Variants in STXBP6 observed in about 807,000 individuals in gnomAD.
The protein encoded by STXBP6 is syntaxin binding protein 6.
STXBP6 carries 21 observed loss-of-function variants against 26.9 expected under a neutral mutation model. The ratio of observed to expected loss-of-function variants is 0.78; its 90% confidence interval spans 0.55 to 1.12. The LOEUF (loss-of-function observed/expected upper bound fraction) is 1.12. STXBP6 is among the 50% of genes most tolerant of loss of function. The pLI is 0.00. For synonymous variants in STXBP6, 97 were observed against 92.6 expected (o/e 1.05, Z -0.27); for missense variants, 232 against 257.9 (o/e 0.90, Z 0.69).
chr14:24,996,829 T>C (rs1595280343), intron 1 of STXBP6, among the ~76,000 whole-genome samples: 1 of 117,700 alleles, frequency 8.5e-6, no homozygotes, highest in Non-Finnish European at 1.6e-5. Flanking sequence ...TACTTCAGCC[T>C]GGGCAACAAG....
intron 1 of STXBP6, among the ~76,000 whole-genome samples, chr14:24,982,143 C>A (rs768735966): frequency 6.6e-6 from 1 of 152,144 alleles, no homozygotes; most frequent in African/African-American, 2.4e-5. Context: ...TTGAAAATTG[C>A]GGTTTTAAGG....
intron 1 of STXBP6, among the ~76,000 whole-genome samples, chr14:25,022,733 T>C (rs1389672499): frequency 1.3e-5 from 2 of 152,216 alleles, no homozygotes; most frequent in South Asian, 4.1e-4. Flanking sequence ...TCTCTACTTG[T>C]TTCCTAGGTG....
At chr14:24,955,414 G>A (rs1299031092) in intron 2 of STXBP6, among the ~76,000 whole-genome samples, 2 of 152,168 alleles carry the variant, frequency 1.3e-5, no homozygotes, top group African/African-American at 4.8e-5. Context: ...TTCCTACACT[G>A]GTGGAAGGGC....
intron 4 of STXBP6, among the ~76,000 whole-genome samples, chr14:24,855,179 G>A (rs545294244): frequency 4.6e-5 from 7 of 152,124 alleles, no homozygotes; most frequent in South Asian, 2.1e-4. Flanking sequence ...TGTATTTAAC[G>A]TGATCTTCAT....
intron 2 of STXBP6, among the ~76,000 whole-genome samples, chr14:24,866,164 C>G (rs1384539881): frequency 6.6e-6 from 1 of 152,048 alleles, no homozygotes; most frequent in East Asian, 1.9e-4. Context: ...AGTAGAAGAT[C>G]TGAATACAAC....
chr14:24,851,498 T>C (rs996366287), intron 4 of STXBP6, among the ~76,000 whole-genome samples: 1 of 151,906 alleles, frequency 6.6e-6, no homozygotes, highest in Admixed American at 6.6e-5. Flanking sequence ...TTTGGTTTTT[T>C]GTCCTTGCAA....
chr14:24,980,910 C>T (rs1268441686), intron 1 of STXBP6, among the ~76,000 whole-genome samples: 1 of 152,204 alleles, frequency 6.6e-6, no homozygotes, highest in Non-Finnish European at 1.5e-5. Context: ...ACATGAACAT[C>T]ACCTGGGTGC....
At chr14:24,868,071 C>T (rs2069788045) in intron 2 of STXBP6, among the ~76,000 whole-genome samples, 1 of 151,918 alleles carries the variant, frequency 6.6e-6, no homozygotes, top group Admixed American at 6.6e-5. Flanking sequence ...GTGGCACATG[C>T]TTATAAAGTT....
intron 2 of STXBP6, among the ~76,000 whole-genome samples, chr14:24,974,346 G>A (rs913566872): frequency 6.6e-5 from 10 of 152,232 alleles, no homozygotes; most frequent in Admixed American, 2.0e-4. Flanking sequence ...GTTCTAAAAC[G>A]AGAATTCCAG....
chr14:24,951,128 C>A (rs976213868), intron 2 of STXBP6, among the ~76,000 whole-genome samples: 1 of 152,174 alleles, frequency 6.6e-6, no homozygotes, highest in African/African-American at 2.4e-5. Flanking sequence ...TTTTCTTTAT[C>A]CAGTCTATCA....
intron 1 of STXBP6, among the ~76,000 whole-genome samples, chr14:25,045,052 T>C (rs1379117146): frequency 1.3e-5 from 2 of 152,364 alleles, no homozygotes; most frequent in African/African-American, 4.8e-5. Context: ...CCATACTTAA[T>C]GAATGTCCCT....
intron 1 of STXBP6, among the ~76,000 whole-genome samples, chr14:24,984,219 A>C (rs1003480285): frequency 6.6e-6 from 1 of 152,238 alleles, no homozygotes; most frequent in Non-Finnish European, 1.5e-5. Context: ...CAACAGAGTG[A>C]GACTCTGTCT....
chr14:24,839,672 C>T (rs75253187), intron 4 of STXBP6, among the ~76,000 whole-genome samples: 5,222 of 152,206 alleles, frequency 0.034, 89 homozygotes, highest in Middle Eastern at 0.075. Context: ...ATTTACTCAG[C>T]GCCGGGCACT....
intron 2 of STXBP6, among the ~76,000 whole-genome samples, chr14:24,912,409 G>A (rs2071605246): frequency 1.3e-5 from 2 of 150,084 alleles, no homozygotes; most frequent in South Asian, 2.1e-4. Context: ...ACAGGGAAAG[G>A]TGGCTGGGTA....
chr14:24,919,784 G>A (rs571815408), intron 2 of STXBP6, among the ~76,000 whole-genome samples: 1 of 152,022 alleles, frequency 6.6e-6, no homozygotes, highest in Non-Finnish European at 1.5e-5. Context: ...TGAGTTGTGT[G>A]TATGTACTTA....
chr14:24,965,295 G>A (rs1331959447), intron 2 of STXBP6, among the ~76,000 whole-genome samples: 1 of 132,058 alleles, frequency 7.6e-6, no homozygotes, highest in South Asian at 2.3e-4. Flanking sequence ...CATGACATGG[G>A]TCACGGATGC....
chr14:24,827,182 T>C (rs541717869), intron 4 of STXBP6, among the ~76,000 whole-genome samples: 16 of 152,180 alleles, frequency 1.1e-4, no homozygotes, highest in South Asian at 1.0e-3. Context: ...GTCTGGACAA[T>C]AGAGCCAGAC....
intron 1 of STXBP6, among the ~76,000 whole-genome samples, chr14:25,010,196 A>G (rs962092858): frequency 1.3e-5 from 2 of 152,182 alleles, no homozygotes; most frequent in Non-Finnish European, 2.9e-5. Context: ...GGCTCACTTT[A>G]TGATGGTTAT....
intron 1 of STXBP6, among the ~76,000 whole-genome samples, chr14:25,001,952 TC>T (rs1418690250): frequency 7.2e-5 from 11 of 152,234 alleles, no homozygotes; most frequent in African/African-American, 1.9e-4. Flanking sequence ...ACATGTACCT[TC>T]TCCAGGTCTT....
Sources: allele counts gnomAD v4.1 joint callset (sites outside exome capture counted in the v4.1 genomes callset), GRCh38; gene constraint gnomAD v4.1.1; transcripts MANE v1.5; gene names NCBI Gene and HGNC (gene_info 2026-07-23, HGNC 2026-07-21).